Variants in CAGE1 observed in about 807,000 individuals in gnomAD.
CAGE1 encodes cancer antigen 1.
A neutral mutation model predicts 94.9 loss-of-function variants in CAGE1; 66 were observed. The ratio of observed to expected loss-of-function variants is 0.70; its 90% CI spans 0.57 to 0.85. CAGE1 has a LOEUF of 0.85. Ranked by LOEUF, CAGE1 falls within the 40% of genes least tolerant of loss-of-function variation. The probability of loss-of-function intolerance (pLI) is 0.00; values close to 1 mark genes in which losing one functional copy is unlikely to be tolerated. For missense variants in CAGE1, 865 were observed against 950.4 expected, an observed-to-expected ratio of 0.91 and a Z score of 1.18; for synonymous variants, 319 against 321.0, an observed-to-expected ratio of 0.99 and a Z score of 0.07.
chr6:7,349,077 C>T (rs560750873), intron 11 of CAGE1, among the ~76,000 whole-genome samples: 58 of 152,228 alleles, frequency 3.8e-4, no homozygotes, highest in Middle Eastern at 3.4e-3. Flanking sequence ...GGAAATTCAT[C>T]GCAAAAAGAT....
chr6:7,344,754 C>G (rs575934520), intron 11 of CAGE1, among the ~76,000 whole-genome samples: 40 of 152,336 alleles, frequency 2.6e-4, no homozygotes, highest in African/African-American at 9.1e-4. Context: ...CACTCTGTAT[C>G]TAGCTCAAGG....
intron 3 of CAGE1, among the ~76,000 whole-genome samples, chr6:7,382,021 G>A (rs1196938919): frequency 6.6e-6 from 1 of 151,190 alleles, no homozygotes; most frequent in Admixed American, 6.6e-5. Context: ...TGTATTTTTG[G>A]TAGAGACGGG....
At chr6:7,347,417 A>C (rs907323459) in intron 11 of CAGE1, 6 of 149,922 alleles carry the variant, frequency 4.0e-5, no homozygotes, top group African/African-American at 1.5e-4. Flanking sequence ...ACAGGGGTAG[A>C]GGAAGCAGCG....
At chr6:7,327,242 G>A (rs763837413) in intron 13 of CAGE1, among the ~76,000 whole-genome samples, 20 of 151,990 alleles carry the variant, frequency 1.3e-4, no homozygotes, top group Non-Finnish European at 1.9e-4. Context: ...CAGTAGAGAC[G>A]GGGTTTCACC....
chr6:7,338,316 T>C (rs766699232), intron 11 of CAGE1, among the ~76,000 whole-genome samples: 14 of 152,178 alleles, frequency 9.2e-5, no homozygotes, highest in African/African-American at 3.1e-4. Flanking sequence ...TACTGGAATG[T>C]CTTGTTCCTG....
At chr6:7,365,712 G>C in intron 8 of CAGE1, 92 bp downstream of exon 8, 2 of 1,319,200 alleles carry the variant, frequency 1.5e-6, no homozygotes, top group Non-Finnish European at 1.1e-6. Flanking sequence ...CTTAGAACTA[G>C]AAGTACTTCA....
chr6:7,341,224 G>GA, intron 11 of CAGE1: 1 of 672,458 alleles, frequency 1.5e-6, no homozygotes, highest in Non-Finnish European at 2.7e-6. Flanking sequence ...GGTGATGCCA[G>GA]AGATACTGTG....
At chr6:7,343,998 T>G (rs1211967099) in intron 11 of CAGE1, among the ~76,000 whole-genome samples, 1 of 152,230 alleles carries the variant, frequency 6.6e-6, no homozygotes, top group Non-Finnish European at 1.5e-5. Flanking sequence ...CTTCTACATC[T>G]GAAACAGACA....
At chr6:7,366,312 T>C (rs1159718144) in intron 7 of CAGE1, among the ~76,000 whole-genome samples, 2 of 151,462 alleles carry the variant, frequency 1.3e-5, no homozygotes, top group African/African-American at 4.9e-5. Context: ...AAAAAATATG[T>C]TTTTATAGCT....
chr6:7,342,343 T>G (rs1027518944), intron 11 of CAGE1, among the ~76,000 whole-genome samples: 7 of 152,154 alleles, frequency 4.6e-5, no homozygotes, highest in Non-Finnish European at 8.8e-5. Context: ...CCTCCATTCT[T>G]CCAGCGGCAG....
intron 1 of CAGE1, among the ~76,000 whole-genome samples, chr6:7,388,834 G>C (rs1761230564): frequency 6.6e-6 from 1 of 152,170 alleles, no homozygotes; most frequent in Non-Finnish European, 1.5e-5. Context: ...CTGGATTGTG[G>C]TGAGATCTGA....
At chr6:7,338,808 A>G in intron 11 of CAGE1, 2 of 888,592 alleles carry the variant, frequency 2.3e-6, no homozygotes, top group Admixed American at 1.8e-5. Context: ...CAACATCCAG[A>G]CTCCAGAATA....
chr6:7,379,079 C>T, intron 3 of CAGE1, 59 bp from the exon 4 acceptor site: 1 of 1,052,604 alleles, frequency 9.5e-7, no homozygotes, highest in East Asian at 2.6e-5. Context: ...TGGATGGTAA[C>T]AGTTATATTT....
chr6:7,338,886 C>T (rs976396741), intron 11 of CAGE1: 4 of 1,547,300 alleles, frequency 2.6e-6, no homozygotes, highest in Non-Finnish European at 3.6e-6. Flanking sequence ...GGCTTCCCAC[C>T]CTTCTGTTCT....
chr6:7,376,981 G>C (rs1212375892), intron 4 of CAGE1, among the ~76,000 whole-genome samples: 1 of 152,172 alleles, frequency 6.6e-6, no homozygotes, highest in Non-Finnish European at 1.5e-5. Flanking sequence ...TCTGTAACTT[G>C]ATATAGCATC....
intron 6 of CAGE1, 42 bp from the exon 7 acceptor site, chr6:7,368,840 C>T: frequency 7.8e-7 from 1 of 1,282,288 alleles, no homozygotes; most frequent in East Asian, 2.6e-5. Flanking sequence ...AAAGTTTTTA[C>T]TAAAGCTAAA....
chr6:7,372,670 T>C (rs1436487645), intron 5 of CAGE1, among the ~76,000 whole-genome samples: 1 of 152,054 alleles, frequency 6.6e-6, no homozygotes, highest in Non-Finnish European at 1.5e-5. Context: ...TTTTCTTTTT[T>C]CTTTTTTTCT....
chr6:7,330,776 T>G (rs1758721665), intron 12 of CAGE1, among the ~76,000 whole-genome samples: 1 of 152,234 alleles, frequency 6.6e-6, no homozygotes, highest in African/African-American at 2.4e-5. Context: ...TGGAAAGGGC[T>G]TTGAGAGCTC....
chr6:7,346,691 AG>A (rs1434703404), intron 11 of CAGE1, among the ~76,000 whole-genome samples: 1 of 142,342 alleles, frequency 7.0e-6, no homozygotes, highest in Non-Finnish European at 1.5e-5. Flanking sequence ...TACTGAAAAA[AG>A]AAAAAAAAAT....
Sources: gnomAD v4.1 joint callset for allele counts (sites outside exome capture counted in the v4.1 genomes callset) on GRCh38, gnomAD v4.1.1 for gene constraint, MANE v1.5 for transcripts, NCBI Gene and HGNC (gene_info 2026-07-23, HGNC 2026-07-21) for gene names.